Variants in GAS2 observed in about 807,000 individuals in gnomAD.
GAS2 encodes the protein growth arrest specific 2, also known as growth arrest-specific protein 2.
In GAS2, 20 loss-of-function variants were observed where a neutral mutation model predicts 37.5. That is an observed-to-expected ratio of 0.53 (90% CI 0.37 to 0.77). GAS2 has a LOEUF of 0.77. Among genes scored for constraint, GAS2 ranks in the 30% least tolerant of loss-of-function variants. The pLI, the probability that GAS2 is intolerant of heterozygous loss-of-function variation, is 0.00. For missense variants in GAS2, 336 were observed against 373.4 expected (o/e 0.90, Z 0.82); for synonymous variants, 144 against 132.2 (o/e 1.09, Z -0.61).
At chr11:22,778,862 C>T (rs1188981751) in intron 7 of GAS2, among the ~76,000 whole-genome samples, 1 of 152,098 alleles carries the variant, frequency 6.6e-6, no homozygotes, top group East Asian at 1.9e-4. Flanking sequence ...ATGTAGGAAA[C>T]AGAATTCTGA....
intron 1 of GAS2, chr11:22,626,180 T>C: frequency 3.2e-6 from 1 of 312,172 alleles, no homozygotes; most frequent in Non-Finnish European, 6.2e-6. Context: ...TGTGTTGAGG[T>C]TTTTCAAAAT....
At chr11:22,794,799 A>G (rs1263313005) in intron 7 of GAS2, among the ~76,000 whole-genome samples, 1 of 152,140 alleles carries the variant, frequency 6.6e-6, no homozygotes, top group Non-Finnish European at 1.5e-5. Flanking sequence ...CAAACATGCC[A>G]GTGAATTTAT....
At chr11:22,728,899 G>C (rs1237954793) in intron 4 of GAS2, among the ~76,000 whole-genome samples, 1 of 151,028 alleles carries the variant, frequency 6.6e-6, no homozygotes, top group Non-Finnish European at 1.5e-5. Context: ...ATTCATTGTG[G>C]GTGAGGAAGA....
chr11:22,728,873 T>G (rs1852340141), intron 4 of GAS2, among the ~76,000 whole-genome samples: 1 of 150,978 alleles, frequency 6.6e-6, no homozygotes, highest in Non-Finnish European at 1.5e-5. Flanking sequence ...GTTTCTCCTT[T>G]TTTTTTTTTT....
At chr11:22,770,408 G>T (rs1189328088) in intron 7 of GAS2, among the ~76,000 whole-genome samples, 5 of 152,316 alleles carry the variant, frequency 3.3e-5, no homozygotes, top group African/African-American at 1.2e-4. Flanking sequence ...CAACACACGT[G>T]AGTTGAGAGG....
chr11:22,680,183 A>G (rs1424092464), intron 2 of GAS2, among the ~76,000 whole-genome samples: 1 of 152,124 alleles, frequency 6.6e-6, no homozygotes, highest in Non-Finnish European at 1.5e-5. Flanking sequence ...GGTATGGCCA[A>G]TAAAAATTCC....
intron 7 of GAS2, among the ~76,000 whole-genome samples, chr11:22,807,828 A>C (rs1452305900): frequency 6.6e-6 from 1 of 152,198 alleles, no homozygotes; most frequent in African/African-American, 2.4e-5. Flanking sequence ...AGTTGGTTAC[A>C]AGAAGCAGGT....
rs12276213 is a variant in GAS2, at chr11:22,803,085, C to T, written c.724-8713C>T. Among the ~76,000 whole-genome samples the T allele has an allele frequency of 6.2e-3, 944 of 152,198 alleles. 11 individuals carry two copies. Among genetic ancestry groups the T allele is most frequent in the African/African-American group, 0.021 (866 of 41,532 alleles). On this transcript the variant is annotated intron_variant, in intron 7 of 7. Coordinates refer to ENST00000454584, the MANE Select transcript of GAS2 (RefSeq NM_001143830.3). ...AATGTGTTCTCATTGTTACGTGTTG[C>T]ACAACCATTCCTCAATTGACATATG...
At chr11:22,727,557 G>T (rs1852275049) in intron 4 of GAS2, among the ~76,000 whole-genome samples, 1 of 151,884 alleles carries the variant, frequency 6.6e-6, no homozygotes, top group Non-Finnish European at 1.5e-5. Flanking sequence ...TCAAATTTTT[G>T]AAAATTCTCT....
intron 4 of GAS2, among the ~76,000 whole-genome samples, chr11:22,736,746 TAAAC>T (rs1179852945): frequency 1.3e-5 from 2 of 152,120 alleles, no homozygotes; most frequent in African/African-American, 4.8e-5. Flanking sequence ...AATCTATCAA[TAAAC>T]AATCAATAAG....
Position 22,720,588 on chromosome 11 carries a change from C to T in GAS2, c.268-5704C>T, listed in dbSNP as rs192463077. ...ACTAAAAGTAGCAAGGGGATACAGGCGGAAACATTAATTCCATCATGGAAA... is the reference window on the plus strand; with the variant it reads ...ACTAAAAGTAGCAAGGGGATACAGGTGGAAACATTAATTCCATCATGGAAA... On this transcript the variant is annotated intron_variant, in intron 3 of 7. Coordinates refer to ENST00000454584, the MANE Select transcript of GAS2 (RefSeq NM_001143830.3). Among the ~76,000 whole-genome samples the T allele has an allele frequency of 9.2e-5, 14 of 151,984 alleles. No individual in the cohort carries two copies. The East Asian group carries it at 1.2e-3, about 13-fold the overall frequency.
chr11:22,638,479 A>G (rs1179829147), intron 1 of GAS2, among the ~76,000 whole-genome samples: 3 of 151,420 alleles, frequency 2.0e-5, no homozygotes, highest in East Asian at 1.9e-4. Flanking sequence ...CGAAGTAGCT[A>G]GGATTACAGG....
chr11:22,758,434 G>T (rs1029371875), intron 7 of GAS2, among the ~76,000 whole-genome samples: 8 of 152,152 alleles, frequency 5.3e-5, no homozygotes, highest in Non-Finnish European at 8.8e-5. Flanking sequence ...CACATACATT[G>T]TGTCTTAACA....
intron 1 of GAS2, among the ~76,000 whole-genome samples, chr11:22,660,426 C>T (rs1848903147): frequency 6.6e-6 from 1 of 152,234 alleles, no homozygotes; most frequent in African/African-American, 2.4e-5. Context: ...TCATTTAAAA[C>T]TTGCTATATG....
chr11:22,808,063 T>A (rs1856977932), intron 7 of GAS2, among the ~76,000 whole-genome samples: 1 of 152,158 alleles, frequency 6.6e-6, no homozygotes, highest in Non-Finnish European at 1.5e-5. Context: ...TATGGGACAC[T>A]TGGGCAAGTT....
intron 1 of GAS2, among the ~76,000 whole-genome samples, chr11:22,631,416 A>G (rs1858743522): frequency 1.3e-5 from 2 of 151,948 alleles, no homozygotes; most frequent in Non-Finnish European, 2.9e-5. Context: ...TCTCGTTCCA[A>G]TTCTTAGGGG....
At chr11:22,807,098 A>G (rs1278105832) in intron 7 of GAS2, among the ~76,000 whole-genome samples, 1 of 152,138 alleles carries the variant, frequency 6.6e-6, no homozygotes, top group Non-Finnish European at 1.5e-5. Context: ...AGTGTAGCTT[A>G]GAAACAGAAA....
intron 3 of GAS2, among the ~76,000 whole-genome samples, chr11:22,724,224 A>G (rs1032767808): frequency 6.6e-6 from 1 of 151,932 alleles, no homozygotes. Flanking sequence ...TCTGTTTGCA[A>G]ATTTGTTTCT....
At chr11:22,733,466 A>C (rs979169445) in intron 4 of GAS2, among the ~76,000 whole-genome samples, 3 of 151,792 alleles carry the variant, frequency 2.0e-5, no homozygotes, top group Admixed American at 6.6e-5. Flanking sequence ...CAAATGGACA[A>C]CATAATTTTT....
Sources: allele counts gnomAD v4.1 joint callset (sites outside exome capture counted in the v4.1 genomes callset), GRCh38; gene constraint gnomAD v4.1.1; transcripts MANE v1.5; gene names NCBI Gene and HGNC (gene_info 2026-07-23, HGNC 2026-07-21).